Variants in STARD9 observed in about 807,000 individuals in gnomAD.
STARD9 encodes StAR related lipid transfer domain containing 9.
In STARD9, 346 loss-of-function variants were observed where a neutral mutation model predicts 399.8. That is an observed-to-expected ratio of 0.87 (90% CI 0.79 to 0.95). The LOEUF (loss-of-function observed/expected upper bound fraction) is 0.95, where lower values mean the gene tolerates loss of function less well. Among genes scored for constraint, STARD9 ranks in the 40% least tolerant of loss-of-function variants. The pLI, the probability that STARD9 is intolerant of heterozygous loss-of-function variation, is 0.00. For synonymous variants in STARD9, 2,203 were observed against 2,143.5 expected (o/e 1.03, Z -0.77); for missense variants, 5,832 against 5,667.5 (o/e 1.03, Z -0.93).
At chr15:42,718,381 T>G in intron 30 of STARD9, 54 bp from the exon 31 acceptor site, 1 of 1,437,752 alleles carries the variant, frequency 7.0e-7, no homozygotes, top group Non-Finnish European at 9.5e-7. Flanking sequence ...AGGAAGGCTT[T>G]AGGACTAGGT....
At chr15:42,614,553 A>G (rs373838623) in intron 3 of STARD9, among the ~76,000 whole-genome samples, 5 of 152,194 alleles carry the variant, frequency 3.3e-5, no homozygotes, top group African/African-American at 1.2e-4. Context: ...GGGCCCATAC[A>G]TTTTCGATGG....
chr15:42,693,094 A>T lies in STARD9; in HGVS notation c.11516A>T (p.Asp3839Val), dbSNP rs1325736303. 6.5e-7 allele frequency: 1 copy of T among 1,536,934 alleles called. No homozygotes were observed. The highest frequency in any genetic ancestry group is 2.4e-5 in the East Asian group (1 of 40,882). Residue 3839 changes from aspartate (D) to valine (V), a missense_variant, in exon 23 of 33, where the codon GAT becomes GTT. Physicochemically the swap from Asp to Val is radical, Grantham distance 152. Coordinates refer to ENST00000290607, the MANE Select transcript of STARD9 (RefSeq NM_020759.3). Reference sequence around the variant, plus strand: ...CCTTCTGTGAGCCCCTCAGTTTCTGATGCTTTCCTGCCTCCCAGCTCCCAG... The same window carrying T: ...CCTTCTGTGAGCCCCTCAGTTTCTGTTGCTTTCCTGCCTCCCAGCTCCCAG... ...HLPSVSPSVS[D>V]AFLPPSSQPE...
Position 42,684,642 on chromosome 15 carries a change from G to A in STARD9, c.3064G>A (p.Gly1022Arg), listed in dbSNP as rs1056993421. ...PHGPRQTAGH[G>R]KAVKTFWTEY... ...TGGACCCAGGCAGACTGCTGGGCAC[G>A]GAAAGGCAGTCAAGACTTTTTGGAC... Residue 1022 changes from glycine (G) to arginine (R), a missense_variant, in exon 23 of 33, where the codon GGA (glycine) becomes AGA (arginine). Gly to Arg is a moderately radical substitution (Grantham distance 125, BLOSUM62 -2). Coordinates refer to ENST00000290607, the MANE Select transcript of STARD9 (RefSeq NM_020759.3). The A allele has an allele frequency of 1.4e-5, 22 of 1,536,996 alleles. No homozygotes were observed. Among genetic ancestry groups the A allele is most frequent in the Non-Finnish European group, 1.7e-5 (19 of 1,146,894 alleles).
At position 42,720,167 on chromosome 15, in the gene STARD9, T is replaced by TC. The variant is rs1316952858; in HGVS notation, c.*594dup. The TC allele has an allele frequency of 2.0e-5, 3 of 152,380 alleles. No homozygotes were observed. Among genetic ancestry groups the TC allele is most frequent in the African/African-American group, 7.2e-5 (3 of 41,466 alleles). 9.4% of individuals were successfully genotyped at this position (152,380 alleles called of 1,614,324 possible). ...CTTTATTATTGATTTTTGCTTTTTTTCTCCCTTTCCCTCCCAGGAGAAGAC... is the reference window on the plus strand; with the variant it reads ...CTTTATTATTGATTTTTGCTTTTTTTCCTCCCTTTCCCTCCCAGGAGAAGAC... On this transcript the variant is annotated 3_prime_UTR_variant, in exon 33 of 33. Coordinates refer to ENST00000290607, the MANE Select transcript of STARD9 (RefSeq NM_020759.3).
chr15:42,688,898 C>T lies in STARD9; in HGVS notation c.7320C>T (p.Thr2440=). The T allele has an allele frequency of 2.6e-6, 4 of 1,537,332 alleles. No homozygotes were observed. Among genetic ancestry groups the T allele is most frequent in the Non-Finnish European group, 3.5e-6 (4 of 1,146,930 alleles). The change falls in exon 23 of 33, where the codon ACC becomes ACT. Residue 2440 remains threonine, a synonymous_variant. Transcript: ENST00000290607. ...CAGAGGACAGGATCTCAGCAAGCACCAGCCCCCAAGACCATGGAAAGGACC... is the reference window on the plus strand; with the variant it reads ...CAGAGGACAGGATCTCAGCAAGCACTAGCCCCCAAGACCATGGAAAGGACC... ...LGTEDRISAS[T]SPQDHGKDLR...
chr15:42,613,821 C>G (rs567788423), intron 3 of STARD9, among the ~76,000 whole-genome samples: 2 of 151,766 alleles, frequency 1.3e-5, no homozygotes, highest in Non-Finnish European at 2.9e-5. Context: ...AGAAGTTAGC[C>G]GGGTGTGGTG....
chr15:42,577,320 A>AT (rs1318694468), intron 1 of STARD9, among the ~76,000 whole-genome samples: 2 of 151,966 alleles, frequency 1.3e-5, no homozygotes, highest in African/African-American at 2.4e-5. Flanking sequence ...TGCCCGGCTA[A>AT]TTTTTTGTAT....
chr15:42,663,846 A>G lies in STARD9; in HGVS notation c.1105A>G (p.Ser369Gly), dbSNP rs902617716. ...GGTGTCTCCTGCACACACTAGCTAC[A>G]GTGAGACCATGAGCACACTGAGATA... ...ATVSPAHTSYSETMSTLRYAS... is the reference protein window; with the variant it reads ...ATVSPAHTSYGETMSTLRYAS... Residue 369 changes from serine (S) to glycine (G), a missense_variant, in exon 13 of 33, where the codon AGT (serine) becomes GGT (glycine). Around this residue, in one of 2 missense-constraint regions of STARD9, gnomAD observed 5,828 missense variants for 5,651.1 expected, o/e 1.03. Coordinates refer to ENST00000290607, the MANE Select transcript of STARD9 (RefSeq NM_020759.3). 6.5e-6 allele frequency: 10 copies of G among 1,536,914 alleles called. No homozygotes were observed. Among genetic ancestry groups the G allele is most frequent in the Non-Finnish European group, 7.0e-6 (8 of 1,146,696 alleles).
At chr15:42,660,810 G>A (rs1247688555) in intron 9 of STARD9, among the ~76,000 whole-genome samples, 2 of 152,046 alleles carry the variant, frequency 1.3e-5, no homozygotes, top group African/African-American at 2.4e-5. Context: ...GCTAATAAGA[G>A]TCAGAGCCCC....
chr15:42,623,351 A>C (rs1870468193), intron 3 of STARD9, among the ~76,000 whole-genome samples: 1 of 152,088 alleles, frequency 6.6e-6, no homozygotes, highest in Admixed American at 6.6e-5. Flanking sequence ...TATAATATTT[A>C]TGTCTCCTCT....
intron 27 of STARD9, 55 bp downstream of exon 27, chr15:42,716,819 G>A: frequency 3.9e-6 from 6 of 1,519,164 alleles, no homozygotes; most frequent in Non-Finnish European, 1.8e-6. Context: ...GGACTTGGGG[G>A]CTGATGGCTG....
intron 3 of STARD9, among the ~76,000 whole-genome samples, chr15:42,590,022 G>A (rs1031157393): frequency 6.8e-5 from 10 of 146,970 alleles, no homozygotes; most frequent in Non-Finnish European, 8.9e-5. Flanking sequence ...GTAGGGTGGC[G>A]CAGTCACAGC....
Position 42,665,872 on chromosome 15 carries a change from T to C in STARD9, c.1317+24T>C, listed in dbSNP as rs770338888. 24 of 1,534,376 alleles carry C rather than the reference T, an allele frequency of 1.6e-5. 1 individual carries two copies. The South Asian group carries it at 2.6e-4, about 17-fold the overall frequency. On this transcript the variant is annotated intron_variant, in intron 15 of 32. Coordinates refer to ENST00000290607, the MANE Select transcript of STARD9 (RefSeq NM_020759.3). ...AGGTGGGTGTGTTGGGTGGACTCAG[T>C]TGTTCTTTACATCACCTGGGAGCTC...
intron 7 of STARD9, among the ~76,000 whole-genome samples, chr15:42,648,461 C>T (rs943918717): frequency 6.6e-6 from 1 of 152,110 alleles, no homozygotes; most frequent in Non-Finnish European, 1.5e-5. Flanking sequence ...CCATACCCAG[C>T]CTGCTTTTCT....
chr15:42,656,188 T>C (rs2059865576), intron 9 of STARD9, among the ~76,000 whole-genome samples: 2 of 151,564 alleles, frequency 1.3e-5, no homozygotes, highest in Admixed American at 1.3e-4. Flanking sequence ...AAATGCTGTA[T>C]CTACTAAAAA....
intron 26 of STARD9, among the ~76,000 whole-genome samples, chr15:42,706,695 C>G (rs2061093976): frequency 6.6e-6 from 1 of 152,142 alleles, no homozygotes; most frequent in Non-Finnish European, 1.5e-5. Flanking sequence ...GGTGATCCAC[C>G]CATCTCGGCC....
intron 26 of STARD9, among the ~76,000 whole-genome samples, chr15:42,700,752 G>A (rs1469891028): frequency 6.6e-6 from 1 of 151,966 alleles, no homozygotes; most frequent in East Asian, 1.9e-4. Flanking sequence ...TTCCTTAGCT[G>A]TGCAGAATCT....
intron 4 of STARD9, among the ~76,000 whole-genome samples, chr15:42,635,742 A>G (rs1439574746): frequency 6.6e-6 from 1 of 152,070 alleles, no homozygotes; most frequent in Non-Finnish European, 1.5e-5. Flanking sequence ...CATTATTTGG[A>G]TCTGTTTTGC....
intron 26 of STARD9, among the ~76,000 whole-genome samples, chr15:42,712,442 C>T (rs984738947): frequency 6.6e-6 from 1 of 151,802 alleles, no homozygotes; most frequent in Non-Finnish European, 1.5e-5. Flanking sequence ...GAGTTTTATG[C>T]TTTTAGCTTC....
Sources: gnomAD v4.1 joint callset for allele counts (sites outside exome capture counted in the v4.1 genomes callset) on GRCh38, gnomAD v4.1.1 for gene constraint, gnomAD v4.1.1 regional missense constraint, MANE v1.5 for transcripts, NCBI Gene and HGNC (gene_info 2026-07-23, HGNC 2026-07-21) for gene names.